PRR16: variants seen among roughly 807,000 people sequenced by gnomAD.
PRR16 encodes the protein proline rich 16.
PRR16 carries 6 observed loss-of-function variants against 18.2 expected under a neutral mutation model. The observed-to-expected ratio is 0.33, with a 90% confidence interval of 0.18 to 0.65. PRR16 has a LOEUF of 0.65. PRR16 is among the 30% of genes least tolerant of loss of function. The probability of loss-of-function intolerance (pLI) is 0.74; values close to 1 mark genes in which losing one functional copy is unlikely to be tolerated. For missense variants in PRR16, 412 were observed against 376.6 expected, an observed-to-expected ratio of 1.09 and a Z score of -0.78; for synonymous variants, 151 against 147.8, an observed-to-expected ratio of 1.02 and a Z score of -0.16.
At chr5:120,501,812 C>T (rs1750463583) in intron 1 of PRR16, among the ~76,000 whole-genome samples, 2 of 151,520 alleles carry the variant, frequency 1.3e-5, no homozygotes, top group South Asian at 2.1e-4. Flanking sequence ...AAAAATTAGC[C>T]GGGCGTGGTG....
At chr5:120,634,348 CA>C (rs1309293650) in intron 1 of PRR16, among the ~76,000 whole-genome samples, 12 of 152,048 alleles carry the variant, frequency 7.9e-5, no homozygotes, top group African/African-American at 2.9e-4. Flanking sequence ...CCTATATCAA[CA>C]AGTCTGAAAG....
At chr5:120,572,525 C>T (rs1393408852) in intron 1 of PRR16, among the ~76,000 whole-genome samples, 1 of 152,004 alleles carries the variant, frequency 6.6e-6, no homozygotes, top group African/African-American at 2.4e-5. Flanking sequence ...TGTTCCATTC[C>T]CAACGTAGAT....
chr5:120,632,666 T>G (rs1755096904), intron 1 of PRR16, among the ~76,000 whole-genome samples: 1 of 152,014 alleles, frequency 6.6e-6, no homozygotes, highest in Admixed American at 6.6e-5. Flanking sequence ...ATTAACCCAG[T>G]CCATCAAAGA....
At chr5:120,768,560 C>T in the PRR16 span, among the ~76,000 whole-genome samples, 25 of 151,448 alleles carry the variant, frequency 1.7e-4, no homozygotes, top group African/African-American at 5.6e-4. Flanking sequence ...AATTAATACT[C>T]AATAAGTATG....
At chr5:120,742,490 TTTAAA>T in the PRR16 span, among the ~76,000 whole-genome samples, 6 of 150,516 alleles carry the variant, frequency 4.0e-5, no homozygotes, top group Non-Finnish European at 7.4e-5. Flanking sequence ...ATTTTTTAAT[TTTAAA>T]TTATTTTTTA....
At chr5:120,704,821 A>G in the PRR16 span, among the ~76,000 whole-genome samples, 1 of 152,222 alleles carries the variant, frequency 6.6e-6, no homozygotes, top group Non-Finnish European at 1.5e-5. Context: ...TAATTGAGAC[A>G]GTATATAGTC....
At chr5:120,679,927 C>G (rs1372801259) in intron 1 of PRR16, among the ~76,000 whole-genome samples, 1 of 151,952 alleles carries the variant, frequency 6.6e-6, no homozygotes, top group Non-Finnish European at 1.5e-5. Flanking sequence ...ATTTAATGTA[C>G]AATATGAGGG....
intron 1 of PRR16, among the ~76,000 whole-genome samples, chr5:120,615,833 G>A (rs1407847009): frequency 2.6e-5 from 4 of 152,000 alleles, no homozygotes; most frequent in Admixed American, 2.6e-4. Flanking sequence ...TCATTGTCAC[G>A]TTCCCAGTAA....
intron 1 of PRR16, among the ~76,000 whole-genome samples, chr5:120,609,891 A>C (rs1247361230): frequency 6.6e-6 from 1 of 152,292 alleles, no homozygotes; most frequent in East Asian, 1.9e-4. Context: ...TTTGCACCGC[A>C]CTTAGCTTTC....
the PRR16 span, among the ~76,000 whole-genome samples, chr5:120,713,906 G>T: frequency 6.6e-6 from 1 of 151,950 alleles, no homozygotes; most frequent in Admixed American, 6.6e-5. Flanking sequence ...TTTTCCAAGT[G>T]GTTCTCCTGT....
chr5:120,609,852 G>A (rs1754279072), intron 1 of PRR16, among the ~76,000 whole-genome samples: 1 of 152,186 alleles, frequency 6.6e-6, no homozygotes, highest in African/African-American at 2.4e-5. Flanking sequence ...CACAATGTCA[G>A]TTCTGTTCCC....
At chr5:120,589,843 C>T (rs1047535351) in intron 1 of PRR16, among the ~76,000 whole-genome samples, 1 of 151,992 alleles carries the variant, frequency 6.6e-6, no homozygotes, top group Non-Finnish European at 1.5e-5. Context: ...GGACACAGAG[C>T]CAAACCATAT....
At chr5:120,749,677 C>T in the PRR16 span, among the ~76,000 whole-genome samples, 3 of 151,972 alleles carry the variant, frequency 2.0e-5, no homozygotes. Context: ...AATACCAAAA[C>T]CTAGTTATTT....
intron 1 of PRR16, among the ~76,000 whole-genome samples, chr5:120,575,318 AACACACAC>A (rs3047956): frequency 8.7e-5 from 12 of 138,256 alleles, no homozygotes; most frequent in Middle Eastern, 7.6e-3. Context: ...CAGACAAGGA[AACACACAC>A]ACACACACAC....
intron 1 of PRR16, among the ~76,000 whole-genome samples, chr5:120,489,244 C>T (rs1331207870): frequency 2.6e-5 from 4 of 152,102 alleles, no homozygotes; most frequent in Admixed American, 2.6e-4. Context: ...CTAATGTTGA[C>T]AGTGGGGTGT....
chr5:120,629,186 A>G (rs1175750319), intron 1 of PRR16, among the ~76,000 whole-genome samples: 1 of 152,066 alleles, frequency 6.6e-6, no homozygotes, highest in Non-Finnish European at 1.5e-5. Context: ...CTCCAGCTCC[A>G]TCCTTTGAGA....
chr5:120,598,079 C>T (rs1250901269), intron 1 of PRR16, among the ~76,000 whole-genome samples: 2 of 151,772 alleles, frequency 1.3e-5, no homozygotes, highest in African/African-American at 2.4e-5. Context: ...GAAGATCTAC[C>T]TCATCATTAA....
intron 1 of PRR16, among the ~76,000 whole-genome samples, chr5:120,662,465 C>G (rs1346097914): frequency 2.0e-5 from 3 of 152,014 alleles, no homozygotes; most frequent in African/African-American, 7.2e-5. Context: ...TTCAATTCCT[C>G]TTCTATTTTA....
chr5:120,546,847 G>T (rs1242344321), intron 1 of PRR16, among the ~76,000 whole-genome samples: 1 of 151,994 alleles, frequency 6.6e-6, no homozygotes, highest in Non-Finnish European at 1.5e-5. Flanking sequence ...GTTATTAAGT[G>T]TTCAGTAGAG....
Sources: gnomAD v4.1 joint callset for allele counts (sites outside exome capture counted in the v4.1 genomes callset) on GRCh38, gnomAD v4.1.1 for gene constraint, MANE v1.5 for transcripts, NCBI Gene and HGNC (gene_info 2026-07-23, HGNC 2026-07-21) for gene names.